Variants in YAF2 observed in about 807,000 individuals in gnomAD.
YAF2 encodes the protein YY1 associated factor 2.
Under a neutral mutation model 20.1 loss-of-function variants are expected in YAF2, and 7 were observed. The ratio of observed to expected loss-of-function variants is 0.35; its 90% CI spans 0.20 to 0.65. YAF2 has a LOEUF of 0.65. Ranked by LOEUF, YAF2 falls within the 30% of genes least tolerant of loss-of-function variation. YAF2 has a pLI of 0.69. For missense variants in YAF2, 151 were observed against 219.2 expected (o/e 0.69, Z 1.96); for synonymous variants, 74 against 76.0 (o/e 0.97, Z 0.14).
At chr12:42,211,838 T>C (rs2067221107) in intron 2 of YAF2, among the ~76,000 whole-genome samples, 1 of 151,638 alleles carries the variant, frequency 6.6e-6, no homozygotes, top group Non-Finnish European at 1.5e-5. Context: ...TAGCTGAGGT[T>C]AGGAATTCTA....
intron 2 of YAF2, among the ~76,000 whole-genome samples, chr12:42,184,078 C>T (rs1231310491): frequency 6.6e-6 from 1 of 152,190 alleles, no homozygotes; most frequent in Non-Finnish European, 1.5e-5. Context: ...ATTCAGCTCA[C>T]CGTTAAGACC....
At chr12:42,194,683 A>G (rs1029660039) in intron 2 of YAF2, among the ~76,000 whole-genome samples, 5 of 152,184 alleles carry the variant, frequency 3.3e-5, no homozygotes, top group African/African-American at 1.2e-4. Flanking sequence ...AATCAGTAAC[A>G]TAAAAATTTT....
rs761958080 is a variant in YAF2, at chr12:42,235,760, T to TA, written c.152+1838dup. 8,745 of 1,083,810 alleles carry TA rather than the reference T, an allele frequency of 8.1e-3. 2 individuals carry two copies. Among genetic ancestry groups the TA allele is most frequent in the East Asian group, 0.01 (299 of 28,578 alleles). The allele number at this position is 1,083,810 out of a possible 1,614,324, so 67.1% of individuals were successfully genotyped here. ...ATCTACAAGAGCTTAGATGTACTGG[T>TA]AAAAAAAAAAAATGTCAGGGGCCCC... is the stretch of plus-strand genomic sequence containing the variant. On this transcript the variant is annotated intron_variant, in intron 2 of 3. Coordinates refer to ENST00000534854, the MANE Select transcript of YAF2 (RefSeq NM_005748.6).
At chr12:42,166,582 A>G (rs1462006901) in intron 2 of YAF2, among the ~76,000 whole-genome samples, 6 of 152,248 alleles carry the variant, frequency 3.9e-5, no homozygotes, top group Admixed American at 3.9e-4. Flanking sequence ...GTGCTCAGAA[A>G]TATTTGTTCA....
chr12:42,200,908 A>G (rs564663506), intron 2 of YAF2, among the ~76,000 whole-genome samples: 63 of 152,294 alleles, frequency 4.1e-4, no homozygotes, highest in African/African-American at 1.5e-3. Context: ...TTACCCCTCT[A>G]TATTTCAGTA....
At chr12:42,212,458 A>G in intron 2 of YAF2, 1 of 447,832 alleles carries the variant, frequency 2.2e-6, no homozygotes, top group South Asian at 1.6e-5. Context: ...TTCCTTCAAG[A>G]AACTTATGAT....
chr12:42,234,611 G>T (rs747656335), intron 2 of YAF2: 1 of 985,144 alleles, frequency 1.0e-6, no homozygotes, highest in Non-Finnish European at 1.2e-6. Context: ...ACCTACCATG[G>T]ATATAGCCAA....
intron 2 of YAF2, chr12:42,199,090 C>T: frequency 9.3e-7 from 1 of 1,069,742 alleles, no homozygotes; most frequent in African/African-American, 1.7e-5. Flanking sequence ...CTCTTGGGTA[C>T]ATCTTCAACA....
chr12:42,215,203 TCTGC>T (rs2067317777), intron 2 of YAF2, among the ~76,000 whole-genome samples: 1 of 152,200 alleles, frequency 6.6e-6, no homozygotes, highest in African/African-American at 2.4e-5. Context: ...CCTTTCTTAT[TCTGC>T]CTATGTTCTA....
intron 2 of YAF2, among the ~76,000 whole-genome samples, chr12:42,178,181 C>A (rs899734217): frequency 3.3e-5 from 5 of 152,024 alleles, no homozygotes; most frequent in Non-Finnish European, 7.4e-5. Context: ...GTTAAACCAT[C>A]CTACAAAAAA....
At chr12:42,187,464 G>A (rs1269943469) in intron 2 of YAF2, among the ~76,000 whole-genome samples, 1 of 151,888 alleles carries the variant, frequency 6.6e-6, no homozygotes, top group African/African-American at 2.4e-5. Flanking sequence ...TATTGAAGAT[G>A]TAATCTTTTT....
At chr12:42,200,238 C>T (rs956777487) in intron 2 of YAF2, among the ~76,000 whole-genome samples, 3 of 152,186 alleles carry the variant, frequency 2.0e-5, no homozygotes, top group Non-Finnish European at 2.9e-5. Context: ...CAAGACATTT[C>T]CTCCTTCTCC....
intron 2 of YAF2, among the ~76,000 whole-genome samples, chr12:42,227,849 G>A (rs1382739915): frequency 9.9e-5 from 14 of 140,978 alleles, no homozygotes; most frequent in African/African-American, 3.2e-4. Context: ...GGAGGTGGGG[G>A]GGTCAGCCCC....
intron 2 of YAF2, among the ~76,000 whole-genome samples, chr12:42,174,721 T>G (rs1018435312): frequency 6.6e-6 from 1 of 152,212 alleles, no homozygotes; most frequent in African/African-American, 2.4e-5. Flanking sequence ...AAGTATCATC[T>G]GTACAATGGT....
chr12:42,234,505 A>C, intron 2 of YAF2: 1 of 983,906 alleles, frequency 1.0e-6, no homozygotes, highest in Non-Finnish European at 1.2e-6. Context: ...CCCAAAATCT[A>C]AAATAAAATT....
At chr12:42,235,839 A>G (rs2068134034) in intron 2 of YAF2, 1 of 1,535,326 alleles carries the variant, frequency 6.5e-7, no homozygotes, top group African/African-American at 1.4e-5. Context: ...TCCTGGGCCA[A>G]CTCCCCTGTG....
At chr12:42,215,817 G>A (rs2067338078) in intron 2 of YAF2, among the ~76,000 whole-genome samples, 1 of 152,086 alleles carries the variant, frequency 6.6e-6, no homozygotes, top group African/African-American at 2.4e-5. Context: ...AGCTACTCGG[G>A]AGGCTGAGGC....
At chr12:42,215,343 G>A (rs2067321832) in intron 2 of YAF2, among the ~76,000 whole-genome samples, 1 of 151,910 alleles carries the variant, frequency 6.6e-6, no homozygotes, top group African/African-American at 2.4e-5. Context: ...GGCTGAGGTG[G>A]ATCGCAAGAG....
At chr12:42,169,003 A>C (rs1032521489) in intron 2 of YAF2, among the ~76,000 whole-genome samples, 1 of 152,084 alleles carries the variant, frequency 6.6e-6, no homozygotes, top group Non-Finnish European at 1.5e-5. Flanking sequence ...TCCCATCTAG[A>C]AGGAAAAAAC....
Sources: allele counts gnomAD v4.1 joint callset (sites outside exome capture counted in the v4.1 genomes callset), GRCh38; gene constraint gnomAD v4.1.1; transcripts MANE v1.5; gene names NCBI Gene and HGNC (gene_info 2026-07-23, HGNC 2026-07-21).